The following ENTHD1 variants were observed in gnomAD, a reference collection of about 807,000 sequenced individuals.
ENTHD1 encodes ENTH domain-containing protein 1.
In ENTHD1, 23 loss-of-function variants were observed where a neutral mutation model predicts 39.1. The observed-to-expected ratio is 0.59, with a 90% CI of 0.42 to 0.83. ENTHD1 has a LOEUF of 0.83. ENTHD1 is among the 40% of genes least tolerant of loss of function. ENTHD1 has a pLI of 0.00. For missense variants in ENTHD1, 624 were observed against 705.4 expected, an observed-to-expected ratio of 0.88 and a Z score of 1.31; for synonymous variants, 230 against 258.2, an observed-to-expected ratio of 0.89 and a Z score of 1.05.
intron 2 of ENTHD1, among the ~76,000 whole-genome samples, chr22:39,863,953 T>G (rs1022768830): frequency 6.6e-6 from 1 of 152,230 alleles, no homozygotes; most frequent in African/African-American, 2.4e-5. Context: ...CTTAGTTATT[T>G]CTTCCTTCCA....
Position 39,796,520 on chromosome 22 carries a change from T to C in ENTHD1, c.832+24473A>G, listed in dbSNP as rs186029531. ...CCTGGGCTCAAGCAATCCTCCTACT[T>C]TGGCTTCCCAAAGTGCTGAATTACA... On this transcript the variant is annotated intron_variant, in intron 5 of 6. Transcript: ENST00000325157. Among the ~76,000 whole-genome samples the C allele has an allele frequency of 2.6e-5, 4 of 152,274 alleles. No individual in the cohort carries two copies. In the South Asian group the frequency reaches 6.2e-4, roughly 24 times the overall value.
chr22:39,843,802 G>A (rs750484881), intron 3 of ENTHD1, among the ~76,000 whole-genome samples: 30 of 152,104 alleles, frequency 2.0e-4, no homozygotes, highest in Non-Finnish European at 2.6e-4. Context: ...TAGGGGGCAT[G>A]ACCTTGAACG....
chr22:39,745,110 T>C (rs1053238706), intron 6 of ENTHD1, among the ~76,000 whole-genome samples: 3 of 152,190 alleles, frequency 2.0e-5, no homozygotes, highest in Non-Finnish European at 4.4e-5. Flanking sequence ...AAAAGGAGAT[T>C]AACAGTGTCC....
intron 6 of ENTHD1, 41 bp downstream of exon 6, chr22:39,765,182 G>C: frequency 7.3e-6 from 10 of 1,363,264 alleles, no homozygotes; most frequent in Non-Finnish European, 9.9e-6. Flanking sequence ...TTTGTTGTGT[G>C]TGTGTGTGTG....
chr22:39,777,193 T>C (rs576727598), intron 5 of ENTHD1, among the ~76,000 whole-genome samples: 1 of 152,358 alleles, frequency 6.6e-6, no homozygotes, highest in South Asian at 2.1e-4. Flanking sequence ...GCCACAGTTA[T>C]AAATTAATAT....
At chr22:39,833,936 T>C (rs1257491290) in intron 4 of ENTHD1, among the ~76,000 whole-genome samples, 1 of 89,584 alleles carries the variant, frequency 1.1e-5, no homozygotes, top group Admixed American at 1.4e-4. Flanking sequence ...CTGGATATAC[T>C]TGGGCAAAAA....
intron 2 of ENTHD1, among the ~76,000 whole-genome samples, chr22:39,863,585 A>G (rs2066161351): frequency 6.6e-6 from 1 of 152,188 alleles, no homozygotes; most frequent in Non-Finnish European, 1.5e-5. Flanking sequence ...CTATTTTTTC[A>G]ACCTTCTTCC....
chr22:39,756,525 C>T (rs2065187375), intron 6 of ENTHD1, among the ~76,000 whole-genome samples: 2 of 151,950 alleles, frequency 1.3e-5, no homozygotes, highest in Non-Finnish European at 1.5e-5. Context: ...TAGACACAAG[C>T]TTTCACTATG....
At chr22:39,793,362 G>A (rs1484528553) in intron 5 of ENTHD1, among the ~76,000 whole-genome samples, 1 of 139,998 alleles carries the variant, frequency 7.1e-6, no homozygotes, top group East Asian at 2.1e-4. Flanking sequence ...TTTTGCTGTT[G>A]TTTGAGTTCC....
chr22:39,765,344 A>G lies in ENTHD1; in HGVS notation c.1098T>C (p.Cys366=). 4 of 1,613,960 alleles carry G rather than the reference A, an allele frequency of 2.5e-6. No homozygotes were observed. The highest frequency in any genetic ancestry group is 3.4e-6 in the Non-Finnish European group (4 of 1,179,964). ...FHNQASVETL[C]LSPSFKIFDR... Reference sequence around the variant, plus strand: ...CAAATATTTTGAATGAGGGAGAGAGACAGAGTGTTTCTACAGAGGCCTGGT... The same window carrying G: ...CAAATATTTTGAATGAGGGAGAGAGGCAGAGTGTTTCTACAGAGGCCTGGT... The change falls in exon 6 of 7, where the codon TGT becomes TGC. Residue 366 remains cysteine, a synonymous_variant. Transcript: ENST00000325157.
At position 39,821,016 on chromosome 22, in the gene ENTHD1, T is replaced by A. The variant is rs762593608; in HGVS notation, c.809A>T (p.Glu270Val). The change falls in exon 5 of 7, where the codon GAA (glutamate) becomes GTA (valine). Residue 270 changes from glutamate to valine, a missense_variant. By Grantham distance (121) the Glu-to-Val change is moderately radical. Coordinates refer to ENST00000325157, the MANE Select transcript of ENTHD1 (RefSeq NM_152512.4). ...SPITCLSEAEEVCNLSGADAV... is the reference protein window; with the variant it reads ...SPITCLSEAEVVCNLSGADAV... ...ACCTGCACCCGAAAGATTACAAACT[T>A]CTTCTGCTTCTGACAAGCAAGTGAT... 9.9e-6 allele frequency: 16 copies of A among 1,613,364 alleles called. No individual in the cohort carries two copies. Among genetic ancestry groups the A allele is most frequent in the South Asian group, 3.3e-5 (3 of 91,078 alleles).
rs909678076 is a variant in ENTHD1, at chr22:39,815,307, G to A, written c.832+5686C>T. Among the ~76,000 whole-genome samples the A allele has an allele frequency of 9.9e-5, 15 of 152,204 alleles. No homozygotes were observed. In the East Asian group the frequency reaches 1.4e-3, roughly 14 times the overall value. On this transcript the variant is annotated intron_variant, in intron 5 of 6. Transcript: ENST00000325157. ...AAAACACAAAAATTAGCAGGGCGTG[G>A]TGGTGCGCGCCTATAATCCCAGCTA... is the stretch of plus-strand genomic sequence containing the variant.
chr22:39,882,958 A>G (rs1383968462), intron 2 of ENTHD1, among the ~76,000 whole-genome samples: 2 of 146,994 alleles, frequency 1.4e-5, no homozygotes, highest in Non-Finnish European at 3.0e-5. Context: ...GAGCCTAGAT[A>G]GCGCCACTGC....
chr22:39,829,889 G>A (rs964446757), intron 4 of ENTHD1, among the ~76,000 whole-genome samples: 3 of 151,688 alleles, frequency 2.0e-5, no homozygotes, highest in Admixed American at 6.6e-5. Context: ...TTACAGATGG[G>A]GGTCTCACTA....
chr22:39,815,303 C>T (rs2065724479), intron 5 of ENTHD1, among the ~76,000 whole-genome samples: 3 of 151,808 alleles, frequency 2.0e-5, no homozygotes, highest in Non-Finnish European at 2.9e-5. Flanking sequence ...ATTAGCAGGG[C>T]GTGGTGGTGC....
At chr22:39,840,284 G>A (rs1445161900) in intron 3 of ENTHD1, among the ~76,000 whole-genome samples, 14 of 152,170 alleles carry the variant, frequency 9.2e-5, no homozygotes, top group Non-Finnish European at 1.8e-4. Flanking sequence ...TGAGTGCTTC[G>A]ATACCAAGGT....
chr22:39,807,625 G>A (rs2065653673), intron 5 of ENTHD1, among the ~76,000 whole-genome samples: 1 of 151,370 alleles, frequency 6.6e-6, no homozygotes, highest in African/African-American at 2.5e-5. Context: ...CTCTCACATT[G>A]TTCATGCTGC....
chr22:39,875,485 C>T (rs2066281166), intron 2 of ENTHD1: 5 of 1,563,816 alleles, frequency 3.2e-6, no homozygotes, highest in Non-Finnish European at 3.4e-6. Flanking sequence ...GGCCTTTGGT[C>T]GCCTCCGTGG....
At chr22:39,855,388 T>C (rs1220914680) in intron 3 of ENTHD1, among the ~76,000 whole-genome samples, 4 of 152,196 alleles carry the variant, frequency 2.6e-5, no homozygotes, top group Non-Finnish European at 5.9e-5. Context: ...GACAACTCTG[T>C]ATTACCATGC....
Sources: allele counts gnomAD v4.1 joint callset (sites outside exome capture counted in the v4.1 genomes callset), GRCh38; gene constraint gnomAD v4.1.1; transcripts MANE v1.5; gene names NCBI Gene and HGNC (gene_info 2026-07-23, HGNC 2026-07-21).